Variants in C1QTNF7 observed in about 807,000 individuals in gnomAD.
C1QTNF7 encodes the protein C1q and TNF related 7.
C1QTNF7 carries 15 observed loss-of-function variants against 19.6 expected under a neutral mutation model. That is an observed-to-expected ratio of 0.76 (90% CI 0.51 to 1.18). The LOEUF is 1.18. Ranked by LOEUF, C1QTNF7 falls within the 50% of genes most tolerant of loss-of-function variation. The probability of loss-of-function intolerance (pLI) is 0.00; values close to 1 mark genes in which losing one functional copy is unlikely to be tolerated. For missense variants in C1QTNF7, 324 were observed against 359.7 expected (o/e 0.90, Z 0.80); for synonymous variants, 142 against 137.5 (o/e 1.03, Z -0.23).
At chr4:15,350,434 ATTTTCTTTCCCT>A (rs1716897385) in intron 1 of C1QTNF7, among the ~76,000 whole-genome samples, 3 of 151,318 alleles carry the variant, frequency 2.0e-5, no homozygotes, top group Admixed American at 2.0e-4. Context: ...AAAGTTACTC[ATTTTCTTTCCCT>A]GTAAAGTTAC....
At chr4:15,430,278 G>A (rs4698382) in intron 1 of C1QTNF7, among the ~76,000 whole-genome samples, 132,147 of 152,216 alleles carry the variant, frequency 0.87, 57,429 homozygotes, top group East Asian at 0.98. Flanking sequence ...CAGGACAGAC[G>A]TGTTCAAGAT....
At chr4:15,368,932 C>T (rs958694465) in intron 1 of C1QTNF7, among the ~76,000 whole-genome samples, 14 of 152,178 alleles carry the variant, frequency 9.2e-5, no homozygotes, top group East Asian at 1.9e-4. Context: ...GAATGTAAAG[C>T]GAAGATCATT....
intron 1 of C1QTNF7, among the ~76,000 whole-genome samples, chr4:15,410,874 G>A (rs1719379299): frequency 6.6e-6 from 1 of 152,172 alleles, no homozygotes; most frequent in African/African-American, 2.4e-5. Flanking sequence ...ATTGCAACAA[G>A]GTCAAAGGGC....
intron 2 of C1QTNF7, among the ~76,000 whole-genome samples, chr4:15,439,764 T>C (rs1712675023): frequency 6.6e-6 from 1 of 152,110 alleles, no homozygotes; most frequent in Non-Finnish European, 1.5e-5. Flanking sequence ...TGAGGAAATA[T>C]CATCATACAA....
At chr4:15,400,567 T>C (rs1010799673) in intron 1 of C1QTNF7, among the ~76,000 whole-genome samples, 1 of 152,224 alleles carries the variant, frequency 6.6e-6, no homozygotes, top group African/African-American at 2.4e-5. Context: ...AAGGAGACCA[T>C]TGAAGCTGGT....
intron 1 of C1QTNF7, among the ~76,000 whole-genome samples, chr4:15,417,173 C>T (rs559613041): frequency 6.6e-6 from 1 of 152,336 alleles, no homozygotes; most frequent in South Asian, 2.1e-4. Context: ...ATGAAACTCT[C>T]ATAATGTAGA....
intron 1 of C1QTNF7, among the ~76,000 whole-genome samples, chr4:15,414,698 A>G (rs1470586250): frequency 1.3e-5 from 2 of 152,138 alleles, no homozygotes; most frequent in African/African-American, 4.8e-5. Flanking sequence ...ATAAGCAGAA[A>G]CAGCCCTCAA....
intron 1 of C1QTNF7, among the ~76,000 whole-genome samples, chr4:15,364,217 A>C (rs886112239): frequency 3.9e-5 from 6 of 152,130 alleles, no homozygotes; most frequent in African/African-American, 1.4e-4. Flanking sequence ...TTCACTTTTA[A>C]CATCATCAGC....
intron 1 of C1QTNF7, among the ~76,000 whole-genome samples, chr4:15,384,514 A>G (rs749038888): frequency 5.5e-4 from 83 of 152,186 alleles, no homozygotes; most frequent in Admixed American, 5.2e-4. Flanking sequence ...CTCTGACCAC[A>G]CATATTCTCT....
intron 1 of C1QTNF7, chr4:15,374,061 G>C (rs1289912546): frequency 6.6e-6 from 1 of 152,346 alleles, no homozygotes; most frequent in Non-Finnish European, 1.5e-5. Flanking sequence ...CATGTCCAGT[G>C]ATAGGTATCT....
At chr4:15,351,290 C>A (rs1716927353) in intron 1 of C1QTNF7, among the ~76,000 whole-genome samples, 1 of 152,094 alleles carries the variant, frequency 6.6e-6, no homozygotes, top group Non-Finnish European at 1.5e-5. Flanking sequence ...TCCTCCATAG[C>A]CATCTAGCAT....
intron 1 of C1QTNF7, among the ~76,000 whole-genome samples, chr4:15,389,453 C>T (rs964182752): frequency 2.1e-4 from 32 of 152,210 alleles, no homozygotes; most frequent in Admixed American, 1.7e-3. Flanking sequence ...GAATTTTGCT[C>T]TTGTTGCCCA....
chr4:15,397,196 G>A (rs1052980732), intron 1 of C1QTNF7, among the ~76,000 whole-genome samples: 1 of 152,178 alleles, frequency 6.6e-6, no homozygotes, highest in Non-Finnish European at 1.5e-5. Context: ...AATTATGGGA[G>A]TACAATCCAA....
At chr4:15,358,937 C>T (rs1237744879) in intron 1 of C1QTNF7, among the ~76,000 whole-genome samples, 3 of 152,138 alleles carry the variant, frequency 2.0e-5, no homozygotes, top group African/African-American at 4.8e-5. Context: ...CCAGGCATGG[C>T]AGTTGATGCT....
Position 15,442,227 on chromosome 4 carries a change from A to C in C1QTNF7, c.298A>C (p.Thr100Pro), listed in dbSNP as rs770057901. ...LAGEKGDQGE[T>P]GKKGPIGPEG... ...CGGTGAGAAAGGGGACCAAGGAGAG[A>C]CTGGGAAGAAAGGACCCATAGGACC... Residue 100 changes from threonine (T) to proline (P), a missense_variant, in exon 3 of 3, where the codon ACT becomes CCT. By Grantham distance (38) the Thr-to-Pro change is conservative (BLOSUM62 -1). Transcript: ENST00000444304. 1 of 1,613,860 alleles carries C rather than the reference A, an allele frequency of 6.2e-7. No homozygotes were observed. The highest frequency in any genetic ancestry group is 1.3e-5 in the African/African-American group (1 of 74,854).
chr4:15,404,548 A>G (rs1231421118), intron 1 of C1QTNF7, among the ~76,000 whole-genome samples: 1 of 152,240 alleles, frequency 6.6e-6, no homozygotes, highest in Non-Finnish European at 1.5e-5. Flanking sequence ...AGACTTCCAG[A>G]AAGATCCACC....
At chr4:15,374,879 T>TTATGA in intron 1 of C1QTNF7, 1 of 569,412 alleles carries the variant, frequency 1.8e-6, no homozygotes, top group Non-Finnish European at 2.2e-6. Context: ...CTCTTTTTTT[T>TTATGA]TATGATGTTC....
chr4:15,361,869 C>T (rs185053636), intron 1 of C1QTNF7, among the ~76,000 whole-genome samples: 1 of 152,100 alleles, frequency 6.6e-6, no homozygotes, highest in Non-Finnish European at 1.5e-5. Flanking sequence ...GCTCTTCAGC[C>T]TTCTTCCACC....
chr4:15,433,569 C>T (rs1407998774), intron 1 of C1QTNF7, among the ~76,000 whole-genome samples: 1 of 152,188 alleles, frequency 6.6e-6, no homozygotes, highest in East Asian at 1.9e-4. Flanking sequence ...AAGACAAGAA[C>T]TTAAGATTGG....
Sources: gnomAD v4.1 joint callset for allele counts (sites outside exome capture counted in the v4.1 genomes callset) on GRCh38, gnomAD v4.1.1 for gene constraint, MANE v1.5 for transcripts, NCBI Gene and HGNC (gene_info 2026-07-23, HGNC 2026-07-21) for gene names.